Variants in CTHRC1 observed in about 807,000 individuals in gnomAD.
CTHRC1 encodes collagen triple helix repeat containing 1.
CTHRC1 carries 21 observed loss-of-function variants against 25.9 expected under a neutral mutation model. The ratio of observed to expected loss-of-function variants is 0.81; its 90% CI spans 0.57 to 1.17. CTHRC1 has a LOEUF of 1.17. Ranked by LOEUF, CTHRC1 falls within the 50% of genes most tolerant of loss-of-function variation. The pLI is 0.00. For synonymous variants in CTHRC1, 109 were observed against 113.1 expected (o/e 0.96, Z 0.23); for missense variants, 281 against 304.3 (o/e 0.92, Z 0.57).
chr8:103,377,374 T>C (rs896842603), intron 2 of CTHRC1: 2 of 155,180 alleles, frequency 1.3e-5, no homozygotes, highest in African/African-American at 2.4e-5. Flanking sequence ...TAGCACATAG[T>C]TGGGGCTCAG....
intron 2 of CTHRC1, 73 bp downstream of exon 2, chr8:103,376,032 C>A: frequency 8.3e-7 from 1 of 1,211,112 alleles, no homozygotes; most frequent in South Asian, 1.3e-5. Flanking sequence ...TTTTAGGTGA[C>A]ATTTTATTTT....
chr8:103,372,750 C>G, intron 1 of CTHRC1: 1 of 998,442 alleles, frequency 1.0e-6, no homozygotes, highest in Non-Finnish European at 1.5e-6. Flanking sequence ...GGGAGCCTTT[C>G]AGAGCTACCG....
chr8:103,377,155 G>C (rs1815818507), intron 2 of CTHRC1: 1 of 152,202 alleles, frequency 6.6e-6, no homozygotes, highest in Non-Finnish European at 1.5e-5. Flanking sequence ...AGACCAATGA[G>C]AAAATAAGCA....
chr8:103,382,354 C>T lies in CTHRC1; in HGVS notation c.590-104C>T, dbSNP rs533385682. On this transcript the variant is annotated intron_variant, in intron 3 of 3. Coordinates refer to ENST00000330295, the MANE Select transcript of CTHRC1 (RefSeq NM_138455.4). ...GTATTAAAATTTTTAAGTAGCATTA[C>T]ATTAAACAGAATTACAAACTAGCTT... 11 of 1,193,702 alleles carry T rather than the reference C, an allele frequency of 9.2e-6. No homozygotes were observed. The South Asian group carries it at 1.2e-4, about 14-fold the overall frequency. The allele number at this position is 1,193,702 out of a possible 1,614,324, so 73.9% of individuals were successfully genotyped here.
intron 3 of CTHRC1, among the ~76,000 whole-genome samples, chr8:103,379,802 C>T (rs983293200): frequency 2.0e-5 from 3 of 152,112 alleles, no homozygotes; most frequent in Non-Finnish European, 4.4e-5. Context: ...AGGTACTGAA[C>T]CCCAAAACCA....
At chr8:103,372,476 A>G (rs1815724909) in intron 1 of CTHRC1, 4 of 1,588,700 alleles carry the variant, frequency 2.5e-6, no homozygotes, top group African/African-American at 2.7e-5. Context: ...GCCCGGCGCT[A>G]ACCCTCTAAG....
At chr8:103,374,392 C>G (rs1815768179) in intron 1 of CTHRC1, among the ~76,000 whole-genome samples, 1 of 152,166 alleles carries the variant, frequency 6.6e-6, no homozygotes, top group African/African-American at 2.4e-5. Context: ...AGGCAACTTA[C>G]ACAAATAGAG....
chr8:103,381,582 G>A (rs891880771), intron 3 of CTHRC1, among the ~76,000 whole-genome samples: 1 of 152,096 alleles, frequency 6.6e-6, no homozygotes, highest in African/African-American at 2.4e-5. Flanking sequence ...AAACACAGAG[G>A]AAAAGCAGGG....
chr8:103,379,268 G>A (rs904522018), intron 3 of CTHRC1, among the ~76,000 whole-genome samples: 1 of 151,798 alleles, frequency 6.6e-6, no homozygotes, highest in Non-Finnish European at 1.5e-5. Context: ...ATTTATTTTA[G>A]AGACAGGGTC....
intron 1 of CTHRC1, among the ~76,000 whole-genome samples, chr8:103,374,861 A>G (rs1815775855): frequency 6.6e-6 from 1 of 152,204 alleles, no homozygotes; most frequent in Non-Finnish European, 1.5e-5. Context: ...ATGTTGAGTA[A>G]TTTGCCCTAT....
At position 103,382,365 on chromosome 8, in the gene CTHRC1, A is replaced by G. The variant is rs571283398; in HGVS notation, c.590-93A>G. 191 of 1,339,038 alleles carry G rather than the reference A, an allele frequency of 1.4e-4. 1 individual carries two copies. The highest frequency in any genetic ancestry group is 7.8e-4 in the Admixed American group (46 of 59,096). 82.9% of individuals were successfully genotyped at this position (1,339,038 alleles called of 1,614,324 possible). ...TTTAAGTAGCATTACATTAAACAGA[A>G]TTACAAACTAGCTTTCTGAAGTTAT... is the stretch of plus-strand genomic sequence containing the variant. On this transcript the variant is annotated intron_variant, in intron 3 of 3. Transcript: ENST00000330295.
Position 103,382,782 on chromosome 8 carries a change from A to C in CTHRC1, c.*182A>C, listed in dbSNP as rs757511991. The stretch of plus-strand genomic sequence containing the variant: ...GCATTATTCATTTTGCTTCAATCAA[A>C]AGTGGTTTCAATATTTTTTTTAGTT... On this transcript the variant is annotated 3_prime_UTR_variant, in exon 4 of 4. Transcript: ENST00000330295. 2 of 643,882 alleles carry C rather than the reference A, an allele frequency of 3.1e-6. No homozygotes were observed. The highest frequency in any genetic ancestry group is 5.5e-6 in the Non-Finnish European group (2 of 363,496). The allele number at this position is 643,882 out of a possible 1,614,324, so 39.9% of individuals were successfully genotyped here. A position where few individuals can be genotyped will look rare whatever the true frequency, so the allele number is the denominator to read the frequency against.
chr8:103,379,652 T>C (rs1200477608), intron 3 of CTHRC1, among the ~76,000 whole-genome samples: 1 of 152,198 alleles, frequency 6.6e-6, no homozygotes, highest in Non-Finnish European at 1.5e-5. Context: ...ACTATACATA[T>C]GGTTAGCATC....
intron 3 of CTHRC1, 72 bp downstream of exon 3, chr8:103,378,315 G>T (rs1815846144): frequency 8.1e-7 from 1 of 1,235,636 alleles, no homozygotes; most frequent in East Asian, 2.4e-5. Context: ...CCACTATCAT[G>T]TTGGTTCACT....
chr8:103,371,650 G>A lies in CTHRC1; in HGVS notation c.-7G>A. On this transcript the variant is annotated 5_prime_UTR_variant, in exon 1 of 4. Coordinates refer to ENST00000330295, the MANE Select transcript of CTHRC1 (RefSeq NM_138455.4). ...TCCAGCTCCGCGCTGCCCGGCAGCC[G>A]GGAGCCATGCGACCCCAGGGCCCCG... 1 of 1,532,534 alleles carries A rather than the reference G, an allele frequency of 6.5e-7. No individual in the cohort carries two copies. The highest frequency in any genetic ancestry group is 8.8e-7 in the Non-Finnish European group (1 of 1,141,056). 94.9% of individuals were successfully genotyped at this position (1,532,534 alleles called of 1,614,324 possible).
chr8:103,379,886 A>G (rs115396690), intron 3 of CTHRC1, among the ~76,000 whole-genome samples: 1,743 of 152,284 alleles, frequency 0.011, 36 homozygotes, highest in African/African-American at 0.04. Flanking sequence ...TGAAACATAA[A>G]GAAGAGATTT....
At position 103,378,113 on chromosome 8, in the gene CTHRC1, C is replaced by T. The variant is rs1815842057; in HGVS notation, c.459C>T (p.Cys153=). 1.2e-6 allele frequency: 2 copies of T among 1,613,936 alleles called. No individual in the cohort carries two copies. The highest frequency in any genetic ancestry group is 1.7e-6 in the Non-Finnish European group (2 of 1,179,924). ...GSLRLKCRNA[C]CQRWYFTFNG... is the part of the protein sequence containing the mutation. Reference sequence around the variant, plus strand: ...TTCGGCTAAAATGCAGAAATGCATGCTGTCAGCGTTGGTATTTCACATTCA... The same window carrying T: ...TTCGGCTAAAATGCAGAAATGCATGTTGTCAGCGTTGGTATTTCACATTCA... The change falls in exon 3 of 4, where the codon TGC becomes TGT. Residue 153 remains cysteine, a synonymous_variant. Coordinates refer to ENST00000330295, the MANE Select transcript of CTHRC1 (RefSeq NM_138455.4).
Sources: gnomAD v4.1 joint callset for allele counts (sites outside exome capture counted in the v4.1 genomes callset) on GRCh38, gnomAD v4.1.1 for gene constraint, MANE v1.5 for transcripts, NCBI Gene and HGNC (gene_info 2026-07-23, HGNC 2026-07-21) for gene names.